Variants in PYGB observed in about 807,000 individuals in gnomAD.
PYGB encodes the protein glycogen phosphorylase, brain form.
A neutral mutation model predicts 94.3 loss-of-function variants in PYGB; 82 were observed. The ratio of observed to expected loss-of-function variants is 0.87; its 90% CI spans 0.73 to 1.04. PYGB has a LOEUF of 1.04. PYGB is among the 50% of genes least tolerant of loss of function. The pLI is 0.00. For missense variants in PYGB, 1,132 were observed against 1,158.2 expected (o/e 0.98, Z 0.33); for synonymous variants, 488 against 479.1 (o/e 1.02, Z -0.24).
chr20:25,278,558 G>T, intron 8 of PYGB, 96 bp downstream of exon 8: 1 of 1,504,398 alleles, frequency 6.6e-7, no homozygotes, highest in Non-Finnish European at 9.1e-7. Flanking sequence ...GGCTAGAGTG[G>T]AATGGTACAT....
intron 2 of PYGB, among the ~76,000 whole-genome samples, chr20:25,267,163 C>T (rs1568687106): frequency 6.6e-6 from 1 of 152,070 alleles, no homozygotes; most frequent in African/African-American, 2.4e-5. Flanking sequence ...AGTACAAAGA[C>T]GGGAAGGGCT....
chr20:25,274,549 G>A, intron 4 of PYGB, 43 bp from the exon 5 acceptor site: 1 of 1,600,494 alleles, frequency 6.2e-7, no homozygotes, highest in Non-Finnish European at 8.5e-7. Context: ...GGTGGCCTGG[G>A]ACATCTGCGC....
intron 1 of PYGB, among the ~76,000 whole-genome samples, chr20:25,249,866 T>TC (rs397865547): frequency 1.3e-5 from 2 of 151,596 alleles, no homozygotes; most frequent in Non-Finnish European, 2.9e-5. Context: ...TTTTTTTTTT[T>TC]AATTCTGAGT....
At chr20:25,276,607 C>T (rs766158308) in intron 5 of PYGB, 39 bp from the exon 6 acceptor site, 1 of 1,569,354 alleles carries the variant, frequency 6.4e-7, no homozygotes, top group Admixed American at 1.7e-5. Flanking sequence ...CGGCGGGGGC[C>T]CTTGCCACTC....
intron 2 of PYGB, among the ~76,000 whole-genome samples, chr20:25,262,679 TAA>T (rs1259620914): frequency 1.3e-5 from 2 of 150,742 alleles, no homozygotes; most frequent in East Asian, 1.9e-4. Flanking sequence ...CTTGACTGGA[TAA>T]AGAGTCAAGA....
chr20:25,284,646 G>A (rs1024732466), intron 14 of PYGB, among the ~76,000 whole-genome samples: 2 of 152,174 alleles, frequency 1.3e-5, no homozygotes, highest in African/African-American at 2.4e-5. Flanking sequence ...GGCTGGTCTC[G>A]AACTCCTGGC....
At chr20:25,283,045 C>G (rs1461313880) in intron 12 of PYGB, 131 bp from the exon 13 acceptor site, 1 of 741,678 alleles carries the variant, frequency 1.3e-6, no homozygotes, top group Non-Finnish European at 2.2e-6. Flanking sequence ...GTGGGATGCC[C>G]GGAGGGGCCG....
At chr20:25,274,169 G>A (rs1436050843) in intron 4 of PYGB, among the ~76,000 whole-genome samples, 1 of 150,008 alleles carries the variant, frequency 6.7e-6, no homozygotes, top group Non-Finnish European at 1.5e-5. Context: ...GCACCAATTT[G>A]CAGTCACACC....
intron 3 of PYGB, among the ~76,000 whole-genome samples, chr20:25,270,838 C>T (rs1158904119): frequency 6.6e-6 from 1 of 152,188 alleles, no homozygotes; most frequent in Non-Finnish European, 1.5e-5. Flanking sequence ...GTTTTTCTTT[C>T]AAGACGTTTT....
At chr20:25,286,755 T>C (rs572657813) in intron 14 of PYGB, among the ~76,000 whole-genome samples, 39 of 152,206 alleles carry the variant, frequency 2.6e-4, no homozygotes, top group African/African-American at 9.4e-4. Context: ...AAACCTGCTG[T>C]TCCCCGGGGG....
Position 25,277,340 on chromosome 20 carries a change from C to T in PYGB, c.855+14C>T, listed in dbSNP as rs770571889. 12 of 1,540,040 alleles carry T rather than the reference C, an allele frequency of 7.8e-6. No homozygotes were observed. In the Middle Eastern group the frequency reaches 5.1e-4, roughly 65 times the overall value. ...CCAAATGATAACGTGAGTAGCTGGC[C>T]TGGGCACTCTTGCTCAGGCCGTATC... On this transcript the variant is annotated intron_variant, in intron 7 of 19. Transcript: ENST00000216962.
At chr20:25,277,972 G>A (rs187509183) in intron 7 of PYGB, among the ~76,000 whole-genome samples, 24 of 152,324 alleles carry the variant, frequency 1.6e-4, no homozygotes, top group South Asian at 4.1e-4. Context: ...CCTGGGTGCC[G>A]GAAGGCTCAT....
chr20:25,280,207 C>T lies in PYGB; in HGVS notation c.1093-59C>T, dbSNP rs1013189898. 4.7e-5 allele frequency: 74 copies of T among 1,584,388 alleles called. No homozygotes were observed. The Middle Eastern group carries it at 1.2e-3, about 25-fold the overall frequency. On this transcript the variant is annotated intron_variant, in intron 9 of 19. Coordinates refer to ENST00000216962, the MANE Select transcript of PYGB (RefSeq NM_002862.4). ...CTGGACGCTCACCCTGCCTAGGCAA[C>T]TGGCCAGAGAGCTGCTTGTTTCTAA...
chr20:25,289,336 A>C (rs1252056843), intron 15 of PYGB, among the ~76,000 whole-genome samples: 1 of 152,230 alleles, frequency 6.6e-6, no homozygotes, highest in Non-Finnish European at 1.5e-5. Context: ...AGTTCGAAAA[A>C]GTTTTAAATG....
chr20:25,279,758 G>A (rs891157879), intron 9 of PYGB, among the ~76,000 whole-genome samples: 16 of 152,042 alleles, frequency 1.1e-4, no homozygotes, highest in African/African-American at 3.9e-4. Flanking sequence ...ACCATAAAAC[G>A]ATTTTTTTTA....
In PYGB at chr20:25,297,766, G is replaced by C. The variant is rs2088571726; in HGVS notation, c.*1244G>C. On this transcript the variant is annotated 3_prime_UTR_variant, in exon 20 of 20. Coordinates refer to ENST00000216962, the MANE Select transcript of PYGB (RefSeq NM_002862.4). ...AGGCTCTTTTTCTCCCTGGCCTCCAGTGCCCACCAGGAGGATCTGCGCACG... is the reference window on the plus strand; with the variant it reads ...AGGCTCTTTTTCTCCCTGGCCTCCACTGCCCACCAGGAGGATCTGCGCACG... 1 of 152,316 alleles carries C rather than the reference G, an allele frequency of 6.6e-6. No homozygotes were observed. Among genetic ancestry groups the C allele is most frequent in the African/African-American group, 2.4e-5 (1 of 41,464 alleles). 9.4% of individuals were successfully genotyped at this position (152,316 alleles called of 1,614,324 possible).
At chr20:25,274,925 G>A (rs964403368) in intron 5 of PYGB, among the ~76,000 whole-genome samples, 9 of 152,358 alleles carry the variant, frequency 5.9e-5, no homozygotes, top group Admixed American at 3.3e-4. Context: ...CAGTGGAAGC[G>A]CTGAGCACAG....
In PYGB at chr20:25,273,766, C is replaced by T. The variant is rs534830735; in HGVS notation, c.529-826C>T. Among the ~76,000 whole-genome samples, 14 of 152,280 alleles carry T rather than the reference C, an allele frequency of 9.2e-5. No homozygotes were observed. The South Asian group carries it at 2.7e-3, about 29-fold the overall frequency. On this transcript the variant is annotated intron_variant, in intron 4 of 19. Transcript: ENST00000216962. Reference sequence around the variant, plus strand: ...AACAGCTTGTCTTCCTGGGTGCATCCAGGGCGTCCTCACTGCCAGCTGCCA... The same window carrying T: ...AACAGCTTGTCTTCCTGGGTGCATCTAGGGCGTCCTCACTGCCAGCTGCCA...
chr20:25,265,978 TC>T (rs1045405715), intron 2 of PYGB, among the ~76,000 whole-genome samples: 4 of 152,208 alleles, frequency 2.6e-5, no homozygotes, highest in African/African-American at 9.7e-5. Flanking sequence ...GGATATTTTC[TC>T]CCATTCTATG....
Sources: allele counts gnomAD v4.1 joint callset (sites outside exome capture counted in the v4.1 genomes callset), GRCh38; gene constraint gnomAD v4.1.1; transcripts MANE v1.5; gene names NCBI Gene and HGNC (gene_info 2026-07-23, HGNC 2026-07-21).